The following MAN1A1 variants were observed in gnomAD, a reference collection of about 807,000 sequenced individuals.
MAN1A1 encodes the protein mannosyl-oligosaccharide 1,2-alpha-mannosidase IA.
In MAN1A1, 29 loss-of-function variants were observed where a neutral mutation model predicts 70.8. The ratio of observed to expected loss-of-function variants is 0.41; its 90% CI spans 0.31 to 0.56. MAN1A1 has a LOEUF of 0.56. Among genes scored for constraint, MAN1A1 ranks in the 20% least tolerant of loss-of-function variants. The pLI, the probability that MAN1A1 is intolerant of heterozygous loss-of-function variation, is 0.29. For missense variants in MAN1A1, 747 were observed against 841.3 expected (o/e 0.89, Z 1.39); for synonymous variants, 349 against 330.1 (o/e 1.06, Z -0.62).
chr6:119,243,540 A>G (rs1373100574), intron 6 of MAN1A1, among the ~76,000 whole-genome samples: 1 of 152,100 alleles, frequency 6.6e-6, no homozygotes, highest in Non-Finnish European at 1.5e-5. Context: ...TTATACCACC[A>G]AAGTATTAAT....
chr6:119,186,907 G>C (rs1318767003), intron 11 of MAN1A1, among the ~76,000 whole-genome samples: 3 of 152,180 alleles, frequency 2.0e-5, no homozygotes, highest in Non-Finnish European at 4.4e-5. Flanking sequence ...GTTACTGGGG[G>C]CATCCCCAAA....
rs114267098 is a variant in MAN1A1, at chr6:119,199,354, A to C, written c.1210+1900T>G. On this transcript the variant is annotated intron_variant, in intron 8 of 12. Transcript: ENST00000368468. ...ATTTTTTAAATTGTTCTTTCAAGTA[A>C]AAATGTTGAATCTGTGAAACAGTAA... Among the ~76,000 whole-genome samples, 838 of 152,334 alleles carry C rather than the reference A, an allele frequency of 5.5e-3. 7 individuals are homozygous for C. The highest frequency in any genetic ancestry group is 0.019 in the African/African-American group (798 of 41,582).
chr6:119,343,817 T>C (rs1773659268), intron 2 of MAN1A1, among the ~76,000 whole-genome samples: 1 of 152,180 alleles, frequency 6.6e-6, no homozygotes, highest in Non-Finnish European at 1.5e-5. Flanking sequence ...CACAAGATTA[T>C]AAAGAAAGAA....
intron 5 of MAN1A1, among the ~76,000 whole-genome samples, chr6:119,270,411 T>C (rs764621570): frequency 6.6e-6 from 1 of 152,224 alleles, no homozygotes; most frequent in Non-Finnish European, 1.5e-5. Context: ...CCATTTAAAG[T>C]ATACACTTTA....
intron 2 of MAN1A1, among the ~76,000 whole-genome samples, chr6:119,327,821 G>A (rs1773195856): frequency 6.6e-6 from 1 of 152,076 alleles, no homozygotes; most frequent in South Asian, 2.1e-4. Flanking sequence ...TACAATTTTT[G>A]TCTAAATGAA....
At chr6:119,183,624 G>C (rs953890297) in intron 11 of MAN1A1, among the ~76,000 whole-genome samples, 2 of 152,162 alleles carry the variant, frequency 1.3e-5, no homozygotes, top group Non-Finnish European at 2.9e-5. Context: ...GGCCAGCCAT[G>C]ATAAACAGCC....
chr6:119,308,254 C>T (rs971205684), intron 2 of MAN1A1, among the ~76,000 whole-genome samples: 8 of 152,140 alleles, frequency 5.3e-5, no homozygotes, highest in African/African-American at 1.9e-4. Flanking sequence ...CTCCAAAGCC[C>T]ATGGCATTAA....
intron 5 of MAN1A1, among the ~76,000 whole-genome samples, chr6:119,271,967 G>C (rs1003154934): frequency 2.6e-5 from 4 of 152,164 alleles, no homozygotes; most frequent in Admixed American, 1.3e-4. Flanking sequence ...GAGAAACACA[G>C]TCTTAGGGTG....
rs148373228 is a variant in MAN1A1, at chr6:119,220,716, C to G, written c.993-15834G>C. Among the ~76,000 whole-genome samples the G allele has an allele frequency of 5.3e-5, 8 of 152,270 alleles. No homozygotes were observed. In the East Asian group the frequency reaches 1.5e-3, roughly 29 times the overall value. On this transcript the variant is annotated intron_variant, in intron 6 of 12. Coordinates refer to ENST00000368468, the MANE Select transcript of MAN1A1 (RefSeq NM_005907.4). ...GGGTGGGTTTCCACACCAGGTCTGA[C>G]TAGTTTAACAATGTGTGCTCTGCTT...
intron 6 of MAN1A1, among the ~76,000 whole-genome samples, chr6:119,219,981 T>G (rs1038662916): frequency 6.6e-6 from 1 of 151,920 alleles, no homozygotes; most frequent in Non-Finnish European, 1.5e-5. Context: ...GGCTAAGTAA[T>G]CAACTATGAG....
At chr6:119,285,143 T>TTTCTTTTC (rs1444540202) in intron 5 of MAN1A1, among the ~76,000 whole-genome samples, 1 of 151,182 alleles carries the variant, frequency 6.6e-6, no homozygotes, top group Non-Finnish European at 1.5e-5. Flanking sequence ...CAGACTTTTT[T>TTTCTTTTC]TTTTTTTTTT....
chr6:119,291,455 C>T (rs1776543452), intron 4 of MAN1A1, among the ~76,000 whole-genome samples: 1 of 151,990 alleles, frequency 6.6e-6, no homozygotes, highest in Non-Finnish European at 1.5e-5. Context: ...AAATAAAGTT[C>T]TTTCCTCTCT....
In MAN1A1 at chr6:119,188,496, A is replaced by G; in HGVS notation, c.1628T>C (p.Ile543Thr). ...AGTCTCCATAACTTCTGGCCGTAAG[A>G]TGTAGTATTTTTCATTTTGTCTTGT... ...IATRQNEKYY[I>T]LRPEVMETYM... Residue 543 changes from isoleucine (I) to threonine (T), a missense_variant, in exon 11 of 13, where the codon ATC becomes ACC. Physicochemically the swap from Ile to Thr is moderately conservative, Grantham distance 89 (BLOSUM62 -1). Coordinates refer to ENST00000368468, the MANE Select transcript of MAN1A1 (RefSeq NM_005907.4). 1 of 1,613,976 alleles carries G rather than the reference A, an allele frequency of 6.2e-7. No individual in the cohort carries two copies. Among genetic ancestry groups the G allele is most frequent in the Non-Finnish European group, 8.5e-7 (1 of 1,179,888 alleles).
At chr6:119,288,057 T>C (rs1224819831) in intron 5 of MAN1A1, among the ~76,000 whole-genome samples, 2 of 151,978 alleles carry the variant, frequency 1.3e-5, no homozygotes, top group African/African-American at 4.8e-5. Context: ...GTACTTCATG[T>C]TTCTATTATT....
At chr6:119,212,773 A>T (rs1345797005) in intron 6 of MAN1A1, among the ~76,000 whole-genome samples, 1 of 152,180 alleles carries the variant, frequency 6.6e-6, no homozygotes, top group Admixed American at 6.5e-5. Context: ...TATGAAACAC[A>T]CTGATATCTT....
chr6:119,343,156 C>A (rs1374687871), intron 2 of MAN1A1, among the ~76,000 whole-genome samples: 1 of 150,732 alleles, frequency 6.6e-6, no homozygotes, highest in South Asian at 2.1e-4. Context: ...AAAAGAAAAA[C>A]CACCAACTTA....
intron 5 of MAN1A1, among the ~76,000 whole-genome samples, chr6:119,279,063 C>A (rs561981316): frequency 6.6e-6 from 1 of 152,174 alleles, no homozygotes; most frequent in Admixed American, 6.5e-5. Context: ...AAAATCCCCC[C>A]TCAACCATTC....
chr6:119,178,618 G>C lies in MAN1A1; in HGVS notation c.*1201C>G, dbSNP rs1440582026. 5 of 151,970 alleles carry C rather than the reference G, an allele frequency of 3.3e-5. No homozygotes were observed. Among genetic ancestry groups the C allele is most frequent in the African/African-American group, 1.2e-4 (5 of 41,386 alleles). 9.4% of individuals were successfully genotyped at this position (151,970 alleles called of 1,614,324 possible). ...TTTACTCCAGGACTGTGGGGGATGG[G>C]GAGTGGCCATTTCTTTATATTTCTT... On this transcript the variant is annotated 3_prime_UTR_variant, in exon 13 of 13. Transcript: ENST00000368468.
At chr6:119,243,029 G>T (rs1030948015) in intron 6 of MAN1A1, among the ~76,000 whole-genome samples, 1 of 152,034 alleles carries the variant, frequency 6.6e-6, no homozygotes, top group African/African-American at 2.4e-5. Flanking sequence ...TACTTAGAAA[G>T]ATGTAACTTC....
Sources: allele counts gnomAD v4.1 joint callset (sites outside exome capture counted in the v4.1 genomes callset), GRCh38; gene constraint gnomAD v4.1.1; transcripts MANE v1.5; gene names NCBI Gene and HGNC (gene_info 2026-07-23, HGNC 2026-07-21).